The following MCM10 variants were observed in gnomAD, a reference collection of about 807,000 sequenced individuals.
MCM10 encodes protein MCM10 homolog.
MCM10 carries 91 observed loss-of-function variants against 109.9 expected under a neutral mutation model. That is an observed-to-expected ratio of 0.83 (90% CI 0.70 to 0.99). MCM10 has a LOEUF of 0.99. Ranked by LOEUF, MCM10 falls within the 50% of genes least tolerant of loss-of-function variation. The pLI is 0.00. For missense variants in MCM10, 1,077 were observed against 1,061.2 expected (o/e 1.01, Z -0.21); for synonymous variants, 380 against 387.2 (o/e 0.98, Z 0.22).
intron 2 of MCM10, among the ~76,000 whole-genome samples, chr10:13,165,184 T>G (rs1437469443): frequency 6.6e-6 from 1 of 152,172 alleles, no homozygotes; most frequent in Non-Finnish European, 1.5e-5. Context: ...ATTTATGAAT[T>G]AGGCACAGTG....
chr10:13,195,117 C>T lies in MCM10; in HGVS notation c.1822C>T (p.Arg608Trp), dbSNP rs74881009. ...SSRQPPAQPP[R>W]TGSEFPRLEG... is the part of the protein sequence containing the mutation. Reference sequence around the variant, plus strand: ...AAGACAGCCCCCTGCTCAGCCTCCACGGACAGGATCCGAGTTCCCCAGGCT... The same window carrying T: ...AAGACAGCCCCCTGCTCAGCCTCCATGGACAGGATCCGAGTTCCCCAGGCT... Residue 608 changes from arginine to tryptophan, a missense_variant, in exon 14 of 20, where the codon CGG becomes TGG. Physicochemically the swap from Arg to Trp is moderately radical, Grantham distance 101. Coordinates refer to ENST00000378714, the MANE Select transcript of MCM10 (RefSeq NM_018518.5). 1.1e-3 allele frequency: 1,848 copies of T among 1,614,144 alleles called. 32 individuals carry two copies. In the South Asian group the frequency reaches 0.018, roughly 16 times the overall value.
Position 13,183,070 on chromosome 10 carries a change from C to T in MCM10, c.1068C>T (p.Asn356=), listed in dbSNP as rs149515019. ...CTGTCGTAGGGATCCTCAATGCCAA[C>T]CCCATGAAGCCCAAGGATGGTTCAG... is the stretch of plus-strand genomic sequence containing the variant. The part of the protein sequence containing the change: ...QGTVVGILNA[N]PMKPKDGSEE... The change falls in exon 8 of 20, where the codon AAC becomes AAT. Residue 356 remains asparagine, a synonymous_variant. Coordinates refer to ENST00000378714, the MANE Select transcript of MCM10 (RefSeq NM_018518.5). The T allele has an allele frequency of 2.1e-5, 34 of 1,613,984 alleles. No individual in the cohort carries two copies. The highest frequency in any genetic ancestry group is 2.8e-5 in the Non-Finnish European group (33 of 1,180,012).
intron 2 of MCM10, 108 bp from the exon 3 acceptor site, chr10:13,170,814 C>T: frequency 1.2e-6 from 1 of 840,866 alleles, no homozygotes. Context: ...GAGCATTGTA[C>T]CCATTAGGTA....
In MCM10 at chr10:13,189,016, G is replaced by A. The variant is rs967212355; in HGVS notation, c.1351G>A (p.Glu451Lys). 3.1e-6 allele frequency: 5 copies of A among 1,614,130 alleles called. No homozygotes were observed. Among genetic ancestry groups the A allele is most frequent in the Non-Finnish European group, 4.2e-6 (5 of 1,180,054 alleles). ...TGCCCGCAGAGGCACCAGCCTCAAA[G>A]AACGGCTGTGCCAAGATGGCTTTTA... The part of the protein sequence containing the change: ...KFARRGTSLK[E>K]RLCQDGFYYG... The change falls in exon 10 of 20, where the codon GAA becomes AAA. Residue 451 changes from glutamate (E) to lysine (K), a missense_variant. Glu to Lys is a moderately conservative substitution (Grantham distance 56). Coordinates refer to ENST00000378714, the MANE Select transcript of MCM10 (RefSeq NM_018518.5).
chr10:13,174,436 T>C (rs141929346), intron 5 of MCM10, among the ~76,000 whole-genome samples: 288 of 152,228 alleles, frequency 1.9e-3, no homozygotes, highest in African/African-American at 6.5e-3. Flanking sequence ...GAACTGTACA[T>C]AAATCTCCAC....
intron 6 of MCM10, among the ~76,000 whole-genome samples, chr10:13,177,669 T>G (rs994365472): frequency 6.6e-6 from 1 of 151,770 alleles, no homozygotes; most frequent in Admixed American, 6.6e-5. Flanking sequence ...CTCAGGAGTT[T>G]GAGACCAGCC....
At chr10:13,196,659 C>G (rs978438319) in intron 14 of MCM10, among the ~76,000 whole-genome samples, 8 of 151,760 alleles carry the variant, frequency 5.3e-5, no homozygotes, top group African/African-American at 1.9e-4. Context: ...ATTACAGGTG[C>G]CCACCACCAT....
chr10:13,169,548 C>T (rs1196666131), intron 2 of MCM10, among the ~76,000 whole-genome samples: 2 of 151,984 alleles, frequency 1.3e-5, no homozygotes, highest in Non-Finnish European at 2.9e-5. Flanking sequence ...AACACATGTG[C>T]GAGAAGACGG....
chr10:13,182,471 G>T lies in MCM10; in HGVS notation c.931-462G>T, dbSNP rs966266868. Among the ~76,000 whole-genome samples the T allele has an allele frequency of 2.0e-5, 3 of 152,036 alleles. No individual in the cohort carries two copies. The highest frequency in any genetic ancestry group is 2.0e-4 in the Admixed American group (3 of 15,264). Reference sequence around the variant, plus strand: ...AACCTGGATGACAGAGCAAGACTCTGTCTCTAAAAATAATAATCATCATAT... The same window carrying T: ...AACCTGGATGACAGAGCAAGACTCTTTCTCTAAAAATAATAATCATCATAT... On this transcript the variant is annotated intron_variant, in intron 7 of 19. Transcript: ENST00000378714. This position sits in a 1 kb window ranked among gnomAD's most constrained non-coding sequence, Gnocchi z 4.2.
intron 17 of MCM10, among the ~76,000 whole-genome samples, chr10:13,202,167 C>A (rs375655722): frequency 6.6e-6 from 1 of 152,108 alleles, no homozygotes; most frequent in East Asian, 1.9e-4. Flanking sequence ...GAGACCAACC[C>A]GGGCAACATC....
chr10:13,208,766 A>G (rs1324225613), intron 18 of MCM10, among the ~76,000 whole-genome samples: 1 of 152,148 alleles, frequency 6.6e-6, no homozygotes, highest in East Asian at 1.9e-4. Flanking sequence ...TCTGAGTCTC[A>G]TCCCAACCAC....
intron 14 of MCM10, among the ~76,000 whole-genome samples, chr10:13,196,064 G>C (rs370019853): frequency 1.3e-5 from 2 of 151,858 alleles, no homozygotes; most frequent in African/African-American, 4.8e-5. Flanking sequence ...ATGCCACCAC[G>C]CCTTGGCTAA....
In MCM10 at chr10:13,197,712, G is replaced by A. The variant is rs1240409394; in HGVS notation, c.2064G>A (p.Gln688=). 6.2e-7 allele frequency: 1 copy of A among 1,613,936 alleles called. No homozygotes were observed. The highest frequency in any genetic ancestry group is 1.7e-5 in the Admixed American group (1 of 59,978). ...TTAAGAAGAAACAAAAGGACCCTCA[G>A]GACATCCTGGAGGTGAAGGAACGTG... is the stretch of plus-strand genomic sequence containing the variant. ...NSIKKKQKDP[Q]DILEVKERVE... Residue 688 remains glutamine, a synonymous_variant, in exon 15 of 20, where the codon CAG becomes CAA. Coordinates refer to ENST00000378714, the MANE Select transcript of MCM10 (RefSeq NM_018518.5).
intron 18 of MCM10, among the ~76,000 whole-genome samples, chr10:13,208,579 A>G (rs982934986): frequency 6.7e-6 from 1 of 149,044 alleles, no homozygotes; most frequent in African/African-American, 2.5e-5. Flanking sequence ...AAAAAAAAAA[A>G]AAAGGAAAAG....
At chr10:13,170,629 A>C (rs1055561719) in intron 2 of MCM10, among the ~76,000 whole-genome samples, 1 of 152,226 alleles carries the variant, frequency 6.6e-6, no homozygotes, top group African/African-American at 2.4e-5. Flanking sequence ...AGATGGAGAC[A>C]AGGAGAACAA....
At chr10:13,203,531 C>T (rs1834527731) in intron 17 of MCM10, among the ~76,000 whole-genome samples, 1 of 152,124 alleles carries the variant, frequency 6.6e-6, no homozygotes, top group South Asian at 2.1e-4. Flanking sequence ...TTTAGAGGGC[C>T]ATCGTCATGC....
Position 13,175,646 on chromosome 10 carries a change from C to T in MCM10, c.729C>T (p.Pro243=). Residue 243 remains proline, a synonymous_variant, in exon 6 of 20, where the codon CCC becomes CCT. Transcript: ENST00000378714. ...GAAGTTCTGGGGAAACGACTCAACC[C>T]ATCTGTGTGGAAGCCTTCTCTGGTC... The part of the protein sequence containing the change: ...TPGSSGETTQ[P]ICVEAFSGLR... The T allele has an allele frequency of 6.2e-7, 1 of 1,612,574 alleles. No homozygotes were observed. Among genetic ancestry groups the T allele is most frequent in the African/African-American group, 1.3e-5 (1 of 74,994 alleles).
chr10:13,198,126 A>C (rs529441877), intron 15 of MCM10, among the ~76,000 whole-genome samples: 1 of 152,100 alleles, frequency 6.6e-6, no homozygotes, highest in African/African-American at 2.4e-5. Flanking sequence ...GTTGGCCAGG[A>C]TGGCCTCGAT....
At chr10:13,197,297 C>A (rs1391645664) in intron 14 of MCM10, among the ~76,000 whole-genome samples, 2 of 152,174 alleles carry the variant, frequency 1.3e-5, no homozygotes, top group Non-Finnish European at 2.9e-5. Flanking sequence ...CTGGCTGGAA[C>A]TTTATCTTAA....
Sources: gnomAD v4.1 joint callset for allele counts (sites outside exome capture counted in the v4.1 genomes callset) on GRCh38, gnomAD v4.1.1 for gene constraint, Gnocchi (gnomAD v3.1) non-coding constraint, MANE v1.5 for transcripts, NCBI Gene and HGNC (gene_info 2026-07-23, HGNC 2026-07-21) for gene names.